Variants in TLL1 observed in about 807,000 individuals in gnomAD.
TLL1 encodes the protein tolloid like 1.
Under a neutral mutation model 128.2 loss-of-function variants are expected in TLL1, and 49 were observed. That is an observed-to-expected ratio of 0.38 (90% CI 0.30 to 0.48). The LOEUF (loss-of-function observed/expected upper bound fraction) is 0.48, where lower values mean the gene tolerates loss of function less well. TLL1 is among the 20% of genes least tolerant of loss of function. TLL1 has a pLI of 0.96. For synonymous variants in TLL1, 454 were observed against 418.8 expected (o/e 1.08, Z -1.03); for missense variants, 1,123 against 1,242.0 (o/e 0.90, Z 1.44).
intron 1 of TLL1, among the ~76,000 whole-genome samples, chr4:165,948,525 A>G (rs1016940330): frequency 1.2e-4 from 18 of 152,096 alleles, no homozygotes; most frequent in African/African-American, 4.1e-4. Context: ...AGGCTGAGAA[A>G]CCCAAGGTTG....
intron 15 of TLL1, among the ~76,000 whole-genome samples, chr4:166,061,353 C>G (rs1740305490): frequency 6.6e-6 from 1 of 150,944 alleles, no homozygotes; most frequent in South Asian, 2.1e-4. Context: ...TCAAACAATT[C>G]TTCCTGCCTC....
chr4:165,877,924 G>T (rs1031463295), intron 1 of TLL1, among the ~76,000 whole-genome samples: 3 of 151,936 alleles, frequency 2.0e-5, no homozygotes, highest in Admixed American at 1.3e-4. Flanking sequence ...AGATGTTTTT[G>T]CAGAACAATA....
intron 1 of TLL1, among the ~76,000 whole-genome samples, chr4:165,979,826 G>A (rs888076724): frequency 6.6e-6 from 1 of 152,002 alleles, no homozygotes; most frequent in African/African-American, 2.4e-5. Context: ...AAGATTTGAG[G>A]CAAATTTTGC....
At chr4:166,073,956 A>G (rs767054027) in intron 16 of TLL1, among the ~76,000 whole-genome samples, 19 of 152,108 alleles carry the variant, frequency 1.2e-4, no homozygotes, top group Non-Finnish European at 2.2e-4. Context: ...TGAAAGTCTG[A>G]GTGACGTGCC....
At chr4:166,091,397 T>C in intron 19 of TLL1, 56 bp downstream of exon 19, 1 of 1,460,708 alleles carries the variant, frequency 6.8e-7, no homozygotes, top group South Asian at 1.2e-5. Context: ...GTTTTTCTTC[T>C]GGTGAATTTG....
intron 9 of TLL1, among the ~76,000 whole-genome samples, chr4:166,036,412 ACT>A (rs1739003750): frequency 6.6e-6 from 1 of 152,182 alleles, no homozygotes; most frequent in African/African-American, 2.4e-5. Flanking sequence ...TGTTACTTAT[ACT>A]TACGTCAAAA....
chr4:165,968,312 T>C (rs752505341), intron 1 of TLL1, among the ~76,000 whole-genome samples: 1 of 152,192 alleles, frequency 6.6e-6, no homozygotes, highest in Non-Finnish European at 1.5e-5. Context: ...CATCATATGA[T>C]ATACCTAAAG....
Position 166,000,555 on chromosome 4 carries a change from C to G in TLL1, c.633-2836C>G, listed in dbSNP as rs28713383. On this transcript the variant is annotated intron_variant, in intron 5 of 20. Coordinates refer to ENST00000061240, the MANE Select transcript of TLL1 (RefSeq NM_012464.5). ...TTGACCACATTGCTTTACTGTCTCCCACATTTTGACTTGCAAATAACTATA... is the reference window on the plus strand; with the variant it reads ...TTGACCACATTGCTTTACTGTCTCCGACATTTTGACTTGCAAATAACTATA... Among the ~76,000 whole-genome samples, 1,437 of 152,200 alleles carry G rather than the reference C, an allele frequency of 9.4e-3. 28 individuals carry two copies. Among genetic ancestry groups the G allele is most frequent in the African/African-American group, 0.033 (1,359 of 41,532 alleles).
At chr4:165,989,174 T>C (rs1736521849) in intron 1 of TLL1, among the ~76,000 whole-genome samples, 1 of 151,990 alleles carries the variant, frequency 6.6e-6, no homozygotes, top group South Asian at 2.1e-4. Context: ...CAAGCAACAA[T>C]GTAAAAAAAT....
rs569783869 is a variant in TLL1 at position 166,007,306 on chromosome 4, ATT to A, written c.812-635_812-634del. On this transcript the variant is annotated intron_variant, in intron 6 of 20. Coordinates refer to ENST00000061240, the MANE Select transcript of TLL1 (RefSeq NM_012464.5). ...AGAAGTTAAACTAACAGATGTGGAA[ATT>A]TGGAAAAGCATTTACGTTCTGAAGC... Among the ~76,000 whole-genome samples, 5 of 151,898 alleles carry A rather than the reference ATT, an allele frequency of 3.3e-5. No individual in the cohort carries two copies. The East Asian group carries it at 9.7e-4, about 29-fold the overall frequency.
At chr4:165,903,082 T>C (rs953610894) in intron 1 of TLL1, among the ~76,000 whole-genome samples, 13 of 152,138 alleles carry the variant, frequency 8.5e-5, no homozygotes, top group Admixed American at 5.2e-4. Context: ...CTCACACCTG[T>C]AATCCCAGCA....
At chr4:166,015,224 A>G (rs2111052267) in intron 8 of TLL1, among the ~76,000 whole-genome samples, 1 of 152,162 alleles carries the variant, frequency 6.6e-6, no homozygotes, top group African/African-American at 2.4e-5. Flanking sequence ...TATTTGAAAT[A>G]TCCTACAGCA....
chr4:165,931,718 C>CAAAAAAAAAAAAAA lies in TLL1; in HGVS notation c.169+57649_169+57650insAAAAAAAAAAAAAA, dbSNP rs761214388. On this transcript the variant is annotated intron_variant, in intron 1 of 20. Coordinates refer to ENST00000061240, the MANE Select transcript of TLL1 (RefSeq NM_012464.5). ...TGGGCGACAGAGTAAGACTCTGTCT[C>CAAAAAAAAAAAAAA]AAAAGAAAAAAAAAAGAAATTGCAA... 1.3e-4 allele frequency among the ~76,000 whole-genome samples: 18 copies of CAAAAAAAAAAAAAA among 133,464 alleles called. 3 individuals carry two copies. The highest frequency in any genetic ancestry group is 2.5e-4 in the Admixed American group (3 of 11,944). 87.6% of individuals were successfully genotyped at this position (133,464 alleles called of 152,430 possible).
chr4:165,944,850 T>A (rs1178269366), intron 1 of TLL1, among the ~76,000 whole-genome samples: 5 of 152,140 alleles, frequency 3.3e-5, no homozygotes, highest in African/African-American at 1.2e-4. Flanking sequence ...AGATTTTAGA[T>A]ATGCTATGTG....
intron 15 of TLL1, among the ~76,000 whole-genome samples, chr4:166,060,510 C>G (rs150051876): frequency 6.6e-6 from 1 of 151,954 alleles, no homozygotes; most frequent in African/African-American, 2.4e-5. Context: ...AAAAAATAAA[C>G]CAAAACCCTG....
chr4:166,101,990 T>C lies in TLL1; in HGVS notation c.*1114T>C, dbSNP rs1742311513. ...CTTATGGTGCTATTCCATAAACTTT[T>C]TTTCAAACAAGTTTTTGACCTTTGA... On this transcript the variant is annotated 3_prime_UTR_variant, in exon 21 of 21. Transcript: ENST00000061240. The C allele has an allele frequency of 6.6e-6, 1 of 152,482 alleles. No homozygotes were observed. The highest frequency in any genetic ancestry group is 1.9e-4 in the East Asian group (1 of 5,166). 9.4% of individuals were successfully genotyped at this position (152,482 alleles called of 1,614,324 possible).
In TLL1 at chr4:166,078,587, A is replaced by T. The variant is rs1741142474; in HGVS notation, c.2442+557A>T. Among the ~76,000 whole-genome samples the T allele has an allele frequency of 2.0e-5, 3 of 152,220 alleles. No individual in the cohort carries two copies. The South Asian group carries it at 6.2e-4, about 32-fold the overall frequency. The stretch of plus-strand genomic sequence containing the variant: ...CGGCATGAGTAATTCAAATATGAGT[A>T]TAATGTCTCATCTCTCCTGCATTCT... On this transcript the variant is annotated intron_variant, in intron 18 of 20. Transcript: ENST00000061240.
intron 1 of TLL1, among the ~76,000 whole-genome samples, chr4:165,982,644 A>G (rs566144867): frequency 7.9e-5 from 12 of 151,646 alleles, no homozygotes; most frequent in Non-Finnish European, 1.3e-4. Flanking sequence ...ATAAAAATAG[A>G]CTAAATAAAA....
At chr4:165,900,333 T>C (rs1379415140) in intron 1 of TLL1, among the ~76,000 whole-genome samples, 1 of 152,154 alleles carries the variant, frequency 6.6e-6, no homozygotes, top group Non-Finnish European at 1.5e-5. Context: ...ATAGCGTCAA[T>C]GGTCTTTACA....
Sources: gnomAD v4.1 joint callset for allele counts (sites outside exome capture counted in the v4.1 genomes callset) on GRCh38, gnomAD v4.1.1 for gene constraint, MANE v1.5 for transcripts, NCBI Gene and HGNC (gene_info 2026-07-23, HGNC 2026-07-21) for gene names.